RAB22A: variants seen among roughly 807,000 people sequenced by gnomAD.
The protein encoded by RAB22A is RAB22A, member RAS oncogene family.
In RAB22A, 13 loss-of-function variants were observed where a neutral mutation model predicts 30.2. The ratio of observed to expected loss-of-function variants is 0.43; its 90% CI spans 0.28 to 0.68. RAB22A has a LOEUF of 0.68. RAB22A is among the 30% of genes least tolerant of loss of function. The probability of loss-of-function intolerance (pLI) is 0.18; values close to 1 mark genes in which losing one functional copy is unlikely to be tolerated. For synonymous variants in RAB22A, 89 were observed against 87.2 expected (o/e 1.02, Z -0.11); for missense variants, 177 against 246.8 (o/e 0.72, Z 1.89).
At chr20:58,339,158 G>A (rs1480126559) in intron 2 of RAB22A, among the ~76,000 whole-genome samples, 1 of 152,154 alleles carries the variant, frequency 6.6e-6, no homozygotes. Context: ...ATGACTACTT[G>A]GTGTGCATGA....
Position 58,309,788 on chromosome 20 carries a change from A to C in RAB22A, c.-189A>C. Reference sequence around the variant, plus strand: ...AGGCCGCGGCGGCGTCCCGGCTGCTAAGGCGGGCCCCACGCGGCTGGCAGC... The same window carrying C: ...AGGCCGCGGCGGCGTCCCGGCTGCTCAGGCGGGCCCCACGCGGCTGGCAGC... On this transcript the variant is annotated 5_prime_UTR_variant, in exon 1 of 7. An upstream open reading frame in the 5' UTR loses its in-frame stop. Transcript: ENST00000244040. 2 of 410,122 alleles carry C rather than the reference A, an allele frequency of 4.9e-6. No homozygotes were observed. The highest frequency in any genetic ancestry group is 7.9e-6 in the Non-Finnish European group (2 of 252,790). 25.4% of individuals were successfully genotyped at this position (410,122 alleles called of 1,614,324 possible).
At position 58,367,501 on chromosome 20, in the gene RAB22A, A is replaced by G. The variant is rs6128327; in HGVS notation, c.*7798A>G. ...TTTGTTAATAAAATGCTATGTTTAC[A>G]AATATATATTTGCCTCCCAAATGGT... On this transcript the variant is annotated 3_prime_UTR_variant, in exon 7 of 7. Coordinates refer to ENST00000244040, the MANE Select transcript of RAB22A (RefSeq NM_020673.3). 0.36 allele frequency: 55,348 copies of G among 152,526 alleles called. 10,277 individuals carry two copies. Among genetic ancestry groups the G allele is most frequent in the Non-Finnish European group, 0.4 (27,473 of 67,982 alleles). 9.4% of individuals were successfully genotyped at this position (152,526 alleles called of 1,614,324 possible).
chr20:58,318,564 T>C (rs78267726), intron 2 of RAB22A, among the ~76,000 whole-genome samples: 4 of 152,020 alleles, frequency 2.6e-5, no homozygotes, highest in Admixed American at 6.5e-5. Context: ...TTTTTTTTTT[T>C]CCAAAATCGG....
intron 2 of RAB22A, among the ~76,000 whole-genome samples, chr20:58,336,326 A>T (rs1464490844): frequency 6.6e-6 from 1 of 151,154 alleles, no homozygotes; most frequent in East Asian, 2.0e-4. Flanking sequence ...GTTTTTTTTC[A>T]ATTATCCAGC....
intron 6 of RAB22A, among the ~76,000 whole-genome samples, chr20:58,357,978 G>A (rs374447189): frequency 6.6e-6 from 1 of 152,216 alleles, no homozygotes; most frequent in East Asian, 1.9e-4. Flanking sequence ...GAAACATAAA[G>A]ATGGACAAAT....
intron 2 of RAB22A, among the ~76,000 whole-genome samples, chr20:58,317,177 A>T (rs898395261): frequency 4.6e-5 from 7 of 151,666 alleles, no homozygotes; most frequent in African/African-American, 1.7e-4. Context: ...GCTCACTGCA[A>T]CCTCCGCCTC....
At chr20:58,356,700 T>C (rs1048911459) in intron 6 of RAB22A, among the ~76,000 whole-genome samples, 2 of 152,354 alleles carry the variant, frequency 1.3e-5, no homozygotes, top group Admixed American at 6.5e-5. Flanking sequence ...TTGTTTTACA[T>C]ATATTTTGTA....
At chr20:58,325,316 A>T (rs1348021710) in intron 2 of RAB22A, among the ~76,000 whole-genome samples, 1 of 152,122 alleles carries the variant, frequency 6.6e-6, no homozygotes, top group African/African-American at 2.4e-5. Flanking sequence ...GTCTCTACCA[A>T]AAATACAAAA....
At chr20:58,337,624 C>G (rs926909645) in intron 2 of RAB22A, among the ~76,000 whole-genome samples, 4 of 152,216 alleles carry the variant, frequency 2.6e-5, no homozygotes, top group African/African-American at 9.7e-5. Flanking sequence ...CTGTGATGGG[C>G]TCTTTCTCAC....
chr20:58,336,909 C>A (rs1568869379), intron 2 of RAB22A, among the ~76,000 whole-genome samples: 1 of 152,080 alleles, frequency 6.6e-6, no homozygotes, highest in Non-Finnish European at 1.5e-5. Flanking sequence ...TCTAACCCTG[C>A]AGAGCAGCCA....
At chr20:58,326,854 A>G (rs1391896396) in intron 2 of RAB22A, among the ~76,000 whole-genome samples, 1 of 152,104 alleles carries the variant, frequency 6.6e-6, no homozygotes, top group African/African-American at 2.4e-5. Flanking sequence ...CTGTTACCAT[A>G]CTGAATAAGT....
chr20:58,329,277 T>G (rs1682443548), intron 2 of RAB22A, among the ~76,000 whole-genome samples: 1 of 152,120 alleles, frequency 6.6e-6, no homozygotes, highest in Non-Finnish European at 1.5e-5. Flanking sequence ...ATGGTCTCGA[T>G]CTCCTGACCT....
At chr20:58,313,252 CACCAGGAG>C (rs1224956192) in intron 2 of RAB22A, among the ~76,000 whole-genome samples, 1 of 152,214 alleles carries the variant, frequency 6.6e-6, no homozygotes, top group African/African-American at 2.4e-5. Context: ...CCACTCTCTG[CACCAGGAG>C]ATTTGGCTCA....
chr20:58,309,902 G>C lies in RAB22A; in HGVS notation c.-75G>C. 8.1e-7 allele frequency: 1 copy of C among 1,228,292 alleles called. No individual in the cohort carries two copies. Among genetic ancestry groups the C allele is most frequent in the Non-Finnish European group, 1.0e-6 (1 of 970,542 alleles). The allele number at this position is 1,228,292 out of a possible 1,614,324, so 76.1% of individuals were successfully genotyped here. On this transcript the variant is annotated 5_prime_UTR_variant, in exon 1 of 7. Coordinates refer to ENST00000244040, the MANE Select transcript of RAB22A (RefSeq NM_020673.3). Reference sequence around the variant, plus strand: ...CCGTGCGGCGGCAGCGGCGCCAGGGGATGCTCTTGCTGGGCCTGGCCTCTC... The same window carrying C: ...CCGTGCGGCGGCAGCGGCGCCAGGGCATGCTCTTGCTGGGCCTGGCCTCTC...
chr20:58,327,924 CAACATGTG>C (rs1986596130), intron 2 of RAB22A, among the ~76,000 whole-genome samples: 1 of 152,128 alleles, frequency 6.6e-6, no homozygotes. Context: ...CAATTAAACG[CAACATGTG>C]CTTTTGAACT....
intron 2 of RAB22A, among the ~76,000 whole-genome samples, chr20:58,311,513 G>T (rs995288455): frequency 6.6e-6 from 1 of 152,176 alleles, no homozygotes; most frequent in African/African-American, 2.4e-5. Flanking sequence ...GAAAGTAGTA[G>T]GTTGAGATCT....
intron 3 of RAB22A, among the ~76,000 whole-genome samples, chr20:58,353,032 A>G (rs1568873525): frequency 6.6e-6 from 1 of 152,264 alleles, no homozygotes; most frequent in African/African-American, 2.4e-5. Flanking sequence ...AATTGTTTAT[A>G]GCGCCATATT....
At chr20:58,330,179 G>T (rs779307442) in intron 2 of RAB22A, among the ~76,000 whole-genome samples, 1 of 152,042 alleles carries the variant, frequency 6.6e-6, no homozygotes, top group Admixed American at 6.6e-5. Context: ...ATTTTTATTC[G>T]TGGGGGGTCC....
In RAB22A at chr20:58,353,533, T is replaced by C. The variant is rs754591344; in HGVS notation, c.372T>C (p.Asp124=). 2.5e-6 allele frequency: 4 copies of C among 1,592,176 alleles called. No homozygotes were observed. Among genetic ancestry groups the C allele is most frequent in the African/African-American group, 2.7e-5 (2 of 74,376 alleles). ...AIAGNKCDLI[D]VREVMERDAK... ...CAGGAAATAAATGTGATCTTATCGA[T>C]GTAAGGTAAGTTATTAGAACGAGAG... is the stretch of plus-strand genomic sequence containing the variant. The change falls in exon 5 of 7, where the codon GAT becomes GAC. Residue 124 remains aspartate, a synonymous_variant. Coordinates refer to ENST00000244040, the MANE Select transcript of RAB22A (RefSeq NM_020673.3).
Sources: gnomAD v4.1 joint callset for allele counts (sites outside exome capture counted in the v4.1 genomes callset) on GRCh38, gnomAD v4.1.1 for gene constraint, MANE v1.5 for transcripts, NCBI Gene and HGNC (gene_info 2026-07-23, HGNC 2026-07-21) for gene names.